Variants in MSRA observed in about 807,000 individuals in gnomAD.
MSRA encodes methionine sulfoxide reductase A, also known as mitochondrial peptide methionine sulfoxide reductase.
In MSRA, 54 loss-of-function variants were observed where a neutral mutation model predicts 31.3. That is an observed-to-expected ratio of 1.73 (90% CI 1.39 to 2.17). MSRA has a LOEUF of 2.17. MSRA is among the 30% of genes most tolerant of loss of function. The probability of loss-of-function intolerance (pLI) is 0.00; values close to 1 mark genes in which losing one functional copy is unlikely to be tolerated. For synonymous variants in MSRA, 169 were observed against 116.5 expected (o/e 1.45, Z -2.90); for missense variants, 507 against 300.9 (o/e 1.69, Z -5.07).
At chr8:10,219,681 C>G (rs1401967110) in intron 2 of MSRA, among the ~76,000 whole-genome samples, 1 of 151,620 alleles carries the variant, frequency 6.6e-6, no homozygotes, top group Non-Finnish European at 1.5e-5. Flanking sequence ...CGGCGGACGC[C>G]TGTAGTCCCA....
intron 1 of MSRA, among the ~76,000 whole-genome samples, chr8:10,137,857 T>C (rs896724430): frequency 5.9e-5 from 9 of 152,194 alleles, no homozygotes; most frequent in Admixed American, 1.3e-4. Context: ...CAAAGTTTTA[T>C]TACTGTAGAG....
At chr8:10,260,297 C>T (rs766115823) in intron 3 of MSRA, among the ~76,000 whole-genome samples, 10 of 152,120 alleles carry the variant, frequency 6.6e-5, no homozygotes, top group Non-Finnish European at 1.2e-4. Context: ...AATACCACCA[C>T]GCCTGGCCAG....
Position 10,314,244 on chromosome 8 carries a change from C to T in MSRA, c.437-5639C>T, listed in dbSNP as rs560493838. On this transcript the variant is annotated intron_variant, in intron 4 of 5. Coordinates refer to ENST00000317173, the MANE Select transcript of MSRA (RefSeq NM_012331.5). ...AAGAAAAATAAAAAATAACAAATTG[C>T]CAAGAACAGAGAGATTATATTTGAT... Among the ~76,000 whole-genome samples the T allele has an allele frequency of 4.5e-4, 68 of 151,440 alleles. 1 individual carries two copies. In the South Asian group the frequency reaches 0.013, roughly 29 times the overall value.
chr8:10,071,702 A>T (rs1200151619), intron 1 of MSRA, among the ~76,000 whole-genome samples: 3 of 151,978 alleles, frequency 2.0e-5, no homozygotes, highest in Non-Finnish European at 4.4e-5. Context: ...GTTGAGGTTG[A>T]TGTTTAGTTT....
chr8:10,391,863 C>T (rs979930073), intron 5 of MSRA, among the ~76,000 whole-genome samples: 30 of 152,198 alleles, frequency 2.0e-4, no homozygotes, highest in African/African-American at 7.0e-4. Flanking sequence ...CATTTCACTT[C>T]CTAGGGACGT....
intron 3 of MSRA, among the ~76,000 whole-genome samples, chr8:10,299,210 A>G (rs771449634): frequency 6.6e-6 from 1 of 152,116 alleles, no homozygotes; most frequent in Admixed American, 6.5e-5. Context: ...ATACATGTAA[A>G]TTGAGAAGAA....
chr8:10,427,468 C>G (rs1563470400), intron 5 of MSRA, among the ~76,000 whole-genome samples: 1 of 152,160 alleles, frequency 6.6e-6, no homozygotes, highest in Non-Finnish European at 1.5e-5. Flanking sequence ...GAGCCACAGG[C>G]CACATCCTGC....
intron 2 of MSRA, among the ~76,000 whole-genome samples, chr8:10,244,216 T>A (rs1797492046): frequency 6.6e-6 from 1 of 152,198 alleles, no homozygotes; most frequent in African/African-American, 2.4e-5. Flanking sequence ...GGCAGTAATC[T>A]TTTTTACATC....
At chr8:10,405,876 A>G (rs1585703678) in intron 5 of MSRA, among the ~76,000 whole-genome samples, 1 of 152,168 alleles carries the variant, frequency 6.6e-6, no homozygotes, top group Admixed American at 6.5e-5. Flanking sequence ...CACATACACA[A>G]TATTCACACA....
chr8:10,343,026 CACACACACACACACACACACACACACAG>C (rs932321774), intron 5 of MSRA, among the ~76,000 whole-genome samples: 12 of 85,394 alleles, frequency 1.4e-4, no homozygotes, highest in Admixed American at 4.7e-4. Flanking sequence ...GCATTACACA[CACACACACACACACACACACACACACAG>C]ACACACACAC....
rs185002142 is a variant in MSRA at position 10,116,214 on chromosome 8, G to C, written c.142+61556G>C. On this transcript the variant is annotated intron_variant, in intron 1 of 5. Coordinates refer to ENST00000317173, the MANE Select transcript of MSRA (RefSeq NM_012331.5). ...CACATGTGGCCCAGGATGCCGTTGAGTGCATCCTAACCCATATTCATAAAC... is the reference window on the plus strand; with the variant it reads ...CACATGTGGCCCAGGATGCCGTTGACTGCATCCTAACCCATATTCATAAAC... 5.0e-4 allele frequency among the ~76,000 whole-genome samples: 76 copies of C among 152,330 alleles called. 1 individual carries two copies. Among genetic ancestry groups the C allele is most frequent in the Admixed American group, 1.1e-3 (17 of 15,310 alleles).
intron 5 of MSRA, among the ~76,000 whole-genome samples, chr8:10,417,883 A>C (rs900498635): frequency 1.3e-5 from 2 of 151,930 alleles, no homozygotes; most frequent in African/African-American, 4.8e-5. Flanking sequence ...GGGGGAAGGT[A>C]GGAACCAAGT....
At chr8:10,080,475 C>G (rs773760385) in intron 1 of MSRA, among the ~76,000 whole-genome samples, 31 of 152,034 alleles carry the variant, frequency 2.0e-4, no homozygotes, top group Non-Finnish European at 3.7e-4. Context: ...GCACATGGGC[C>G]TTGTGCTTTG....
chr8:10,214,629 A>C (rs1003232531), intron 2 of MSRA, among the ~76,000 whole-genome samples: 1 of 152,326 alleles, frequency 6.6e-6, no homozygotes, highest in African/African-American at 2.4e-5. Context: ...GAAAAAGGCC[A>C]GAAAGAATGA....
intron 1 of MSRA, among the ~76,000 whole-genome samples, chr8:10,064,372 A>C (rs1243160096): frequency 6.7e-6 from 1 of 150,340 alleles, no homozygotes; most frequent in East Asian, 1.9e-4. Context: ...TTTTTTTTTT[A>C]AAGGCATGGT....
chr8:10,059,662 A>T (rs1802596275), intron 1 of MSRA, among the ~76,000 whole-genome samples: 1 of 152,238 alleles, frequency 6.6e-6, no homozygotes, highest in Non-Finnish European at 1.5e-5. Context: ...ATATCACAGT[A>T]AAATTCTTCT....
At chr8:10,427,047 G>A (rs564386349) in intron 5 of MSRA, among the ~76,000 whole-genome samples, 8 of 152,134 alleles carry the variant, frequency 5.3e-5, no homozygotes, top group South Asian at 2.1e-4. Flanking sequence ...AAAACCTGAC[G>A]CAGTGAATCA....
chr8:10,368,366 A>T (rs761358815), intron 5 of MSRA, among the ~76,000 whole-genome samples: 8 of 152,270 alleles, frequency 5.3e-5, no homozygotes, highest in Non-Finnish European at 1.2e-4. Context: ...TGCAGATAAG[A>T]TGGAGTGCAG....
chr8:10,110,225 A>C (rs1800181217), intron 1 of MSRA, among the ~76,000 whole-genome samples: 1 of 152,228 alleles, frequency 6.6e-6, no homozygotes, highest in African/African-American at 2.4e-5. Context: ...GAAACAAGAA[A>C]GGTTTGGACT....
Sources: allele counts gnomAD v4.1 joint callset (sites outside exome capture counted in the v4.1 genomes callset), GRCh38; gene constraint gnomAD v4.1.1; transcripts MANE v1.5; gene names NCBI Gene and HGNC (gene_info 2026-07-23, HGNC 2026-07-21).